Variants in C21orf58 observed in about 807,000 individuals in gnomAD.
The protein encoded by C21orf58 is chromosome 21 open reading frame 58.
A neutral mutation model predicts 35.8 loss-of-function variants in C21orf58; 34 were observed. That is an observed-to-expected ratio of 0.95 (90% CI 0.72 to 1.26). C21orf58 has a LOEUF of 1.26. Among genes scored for constraint, C21orf58 ranks in the 50% most tolerant of loss-of-function variants. The probability of loss-of-function intolerance (pLI) is 0.00; values close to 1 mark genes in which losing one functional copy is unlikely to be tolerated. For synonymous variants in C21orf58, 191 were observed against 175.8 expected (o/e 1.09, Z -0.68); for missense variants, 440 against 414.3 (o/e 1.06, Z -0.54).
In C21orf58 at chr21:46,317,599, AC is replaced by A. The variant is rs113248991; in HGVS notation, c.310-332del. Among the ~76,000 whole-genome samples, 41 of 152,156 alleles carry A rather than the reference AC, an allele frequency of 2.7e-4. 2 individuals carry two copies. Among genetic ancestry groups the A allele is most frequent in the African/African-American group, 9.4e-4 (39 of 41,516 alleles). On this transcript the variant is annotated intron_variant, in intron 2 of 7. Transcript: ENST00000291691. ...TTCCCAGCCAGTGCATGCCTAGATC[AC>A]CCCCCACCTGAACCCTGAGCTGAGC...
At chr21:46,317,950 G>C in intron 2 of C21orf58, 62 bp downstream of exon 2, 1 of 1,572,774 alleles carries the variant, frequency 6.4e-7, no homozygotes, top group Non-Finnish European at 8.7e-7. Context: ...GTCTCGAAGA[G>C]TCCCTCCAAC....
At chr21:46,312,309 C>G (rs1203504163) in intron 5 of C21orf58, among the ~76,000 whole-genome samples, 2 of 151,970 alleles carry the variant, frequency 1.3e-5, no homozygotes, top group Admixed American at 1.3e-4. Context: ...GCAACCAACA[C>G]TTGGTATGGT....
chr21:46,312,565 C>A (rs891734856), intron 5 of C21orf58, among the ~76,000 whole-genome samples: 6 of 152,154 alleles, frequency 3.9e-5, no homozygotes, highest in African/African-American at 7.2e-5. Context: ...GAGAGCCACC[C>A]ATCCAACCAA....
intron 3 of C21orf58, among the ~76,000 whole-genome samples, 171 bp downstream of exon 3, chr21:46,317,037 T>C (rs1348275232): frequency 6.6e-6 from 1 of 152,074 alleles, no homozygotes; most frequent in East Asian, 1.9e-4. Flanking sequence ...GGAATGGGGG[T>C]GTCTTCAACT....
intron 6 of C21orf58, among the ~76,000 whole-genome samples, chr21:46,308,763 A>T (rs1026988151): frequency 2.0e-5 from 3 of 152,172 alleles, no homozygotes; most frequent in African/African-American, 7.2e-5. Context: ...CTCTGCCTTT[A>T]TGAATGGATT....
Position 46,301,652 on chromosome 21 carries a change from C to T in C21orf58, c.*347G>A. ...TCATCAGGCTGGTGGCGTCCACGGC[C>T]TCAACTTTACCTCCGTGATGGAAGA... On this transcript the variant is annotated 3_prime_UTR_variant, in exon 8 of 8. Coordinates refer to ENST00000291691, the MANE Select transcript of C21orf58 (RefSeq NM_058180.5). The T allele has an allele frequency of 9.1e-7, 1 of 1,103,098 alleles. No homozygotes were observed. 68.3% of individuals were successfully genotyped at this position (1,103,098 alleles called of 1,614,324 possible). A position where few individuals can be genotyped will look rare whatever the true frequency, so the allele number is the denominator to read the frequency against.
At chr21:46,321,898 C>A (rs914672948) in intron 1 of C21orf58, among the ~76,000 whole-genome samples, 3 of 126,996 alleles carry the variant, frequency 2.4e-5, no homozygotes, top group Non-Finnish European at 4.8e-5. Flanking sequence ...TTTATCTGGG[C>A]AGCTTTTTTT....
chr21:46,321,326 G>A (rs1049571857), intron 1 of C21orf58, among the ~76,000 whole-genome samples: 3 of 152,090 alleles, frequency 2.0e-5, no homozygotes, highest in Non-Finnish European at 2.9e-5. Context: ...GTGCCATCAT[G>A]CCCAGCTAAT....
rs117585672 is a variant in C21orf58 at position 46,318,196 on chromosome 21, C to G, written c.125G>C (p.Arg42Pro). The G allele has an allele frequency of 1.2e-6, 2 of 1,612,612 alleles. No individual in the cohort carries two copies. The highest frequency in any genetic ancestry group is 1.7e-6 in the Non-Finnish European group (2 of 1,179,998). ...CCAAGCACCGGTGTTGCCTGCAGGG[C>G]GGGCCTTACCTCCTGGAGACCAGCC... ...LCGWSPGGKARPAGNTGAWAP... is the reference protein window; with the variant it reads ...LCGWSPGGKAPPAGNTGAWAP... Residue 42 changes from arginine to proline, a missense_variant, in exon 2 of 8, where the codon CGC becomes CCC. Arg to Pro is a moderately radical substitution (Grantham distance 103, BLOSUM62 -2). Coordinates refer to ENST00000291691, the MANE Select transcript of C21orf58 (RefSeq NM_058180.5).
At chr21:46,318,628 G>GT (rs2083061353) in intron 1 of C21orf58, 1 of 1,096,864 alleles carries the variant, frequency 9.1e-7, no homozygotes, top group African/African-American at 1.6e-5. Flanking sequence ...GGAAGACAGG[G>GT]TGGGGAGACA....
At chr21:46,302,357 T>G (rs1054733958) in intron 7 of C21orf58, 128 bp downstream of exon 7, 5 of 1,070,992 alleles carry the variant, frequency 4.7e-6, no homozygotes, top group African/African-American at 1.6e-5. Context: ...GATGGGGGCT[T>G]CACAGCCAGA....
intron 2 of C21orf58, 94 bp downstream of exon 2, chr21:46,317,918 T>C: frequency 1.4e-6 from 2 of 1,399,870 alleles, no homozygotes; most frequent in East Asian, 2.4e-5. Context: ...CTTGGGGCCC[T>C]GCATTCTGCA....
At chr21:46,314,664 T>C in intron 5 of C21orf58, 52 bp downstream of exon 5, 2 of 1,341,940 alleles carry the variant, frequency 1.5e-6, no homozygotes, top group Non-Finnish European at 2.0e-6. Flanking sequence ...AAAATCTTAA[T>C]TCCGCACCCG....
At chr21:46,310,487 A>T (rs1004397005) in intron 6 of C21orf58, among the ~76,000 whole-genome samples, 6 of 148,228 alleles carry the variant, frequency 4.0e-5, no homozygotes, top group Admixed American at 3.3e-4. Flanking sequence ...CAGAACAAAA[A>T]AAATAAAAAT....
chr21:46,309,248 G>A (rs978561404), intron 6 of C21orf58, among the ~76,000 whole-genome samples: 1 of 152,052 alleles, frequency 6.6e-6, no homozygotes, highest in African/African-American at 2.4e-5. Flanking sequence ...ATCATCTGAG[G>A]TCAGGAATTT....
Position 46,322,666 on chromosome 21 carries a change from G to A in C21orf58, c.73C>T (p.Pro25Ser), listed in dbSNP as rs757687359. Residue 25 changes from proline (P) to serine (S), a missense_variant, in exon 1 of 8, where the codon CCT (proline) becomes TCT (serine). Transcript: ENST00000291691. ...CACAGAAGACTGTGGCCTGAGTCAG[G>A]AGAAGGAAGTTTCTGGCGGTCGAGC... The part of the protein sequence containing the change: ...WKLDRQKLPS[P>S]DSGHSLLCGW... The A allele has an allele frequency of 1.9e-6, 3 of 1,594,478 alleles. No individual in the cohort carries two copies. The highest frequency in any genetic ancestry group is 2.3e-5 in the East Asian group (1 of 43,522).
At position 46,314,709 on chromosome 21, in the gene C21orf58, C is replaced by T. The variant is rs2082897220; in HGVS notation, c.609+7G>A. ...CTCAGATGTGCTCCTCGACTTCGCC[C>T]TCTTACCGTAGGCAGGATGATCCTT... On this transcript the variant is annotated splice_region_variant and intron_variant, in intron 5 of 7. Coordinates refer to ENST00000291691, the MANE Select transcript of C21orf58 (RefSeq NM_058180.5). 1 of 1,449,830 alleles carries T rather than the reference C, an allele frequency of 6.9e-7. No individual in the cohort carries two copies. The highest frequency in any genetic ancestry group is 1.5e-5 in the South Asian group (1 of 68,912). The allele number at this position is 1,449,830 out of a possible 1,614,324, so 89.8% of individuals were successfully genotyped here.
In C21orf58 at chr21:46,315,529, T is replaced by G. The variant is rs2082939923; in HGVS notation, c.389A>C (p.Asp130Ala). 6.2e-7 allele frequency: 1 copy of G among 1,611,208 alleles called. No homozygotes were observed. The highest frequency in any genetic ancestry group is 1.1e-5 in the South Asian group (1 of 91,042). Residue 130 changes from aspartate (D) to alanine (A), a missense_variant, in exon 4 of 8, where the codon GAC (aspartate) becomes GCC (alanine). Transcript: ENST00000291691. ...HLEPGNEDRP[D>A]DALQTALKRR... ...CTTCAGAGCAGTCTGCAGGGCATCG[T>G]CCGGCCGGTCCTCATTTCCTGGAGG...
chr21:46,321,886 A>G (rs924010413), intron 1 of C21orf58, among the ~76,000 whole-genome samples: 1 of 146,208 alleles, frequency 6.8e-6, no homozygotes, highest in Non-Finnish European at 1.5e-5. Flanking sequence ...GTATCTACAA[A>G]ATTTATCTGG....
Sources: gnomAD v4.1 joint callset for allele counts (sites outside exome capture counted in the v4.1 genomes callset) on GRCh38, gnomAD v4.1.1 for gene constraint, MANE v1.5 for transcripts, NCBI Gene and HGNC (gene_info 2026-07-23, HGNC 2026-07-21) for gene names.